Variants in NDUFB5 observed in about 807,000 individuals in gnomAD.
NDUFB5 encodes NADH dehydrogenase [ubiquinone] 1 beta subcomplex subunit 5, mitochondrial.
In NDUFB5, 19 loss-of-function variants were observed where a neutral mutation model predicts 19.4. That is an observed-to-expected ratio of 0.98 (90% CI 0.68 to 1.43). The LOEUF (loss-of-function observed/expected upper bound fraction) is 1.43. Among genes scored for constraint, NDUFB5 ranks in the 40% most tolerant of loss-of-function variants. The pLI is 0.00. For missense variants in NDUFB5, 233 were observed against 236.5 expected, an observed-to-expected ratio of 0.99 and a Z score of 0.10; for synonymous variants, 80 against 82.6, an observed-to-expected ratio of 0.97 and a Z score of 0.17.
chr3:179,607,988 T>TTTTG (rs546910455), intron 1 of NDUFB5, among the ~76,000 whole-genome samples: 26 of 152,098 alleles, frequency 1.7e-4, no homozygotes, highest in African/African-American at 5.3e-4. Flanking sequence ...TGCATCTAGG[T>TTTTG]TTTGTTTGTT....
In NDUFB5 at chr3:179,624,515, T is replaced by G; in HGVS notation, c.*475T>G. 1 of 132,276 alleles carries G rather than the reference T, an allele frequency of 7.6e-6. No homozygotes were observed. The highest frequency in any genetic ancestry group is 1.6e-5 in the Non-Finnish European group (1 of 60,760). The allele number at this position is 132,276 out of a possible 1,614,324, so 8.2% of individuals were successfully genotyped here. A position where few individuals can be genotyped will look rare whatever the true frequency, so the allele number is the denominator to read the frequency against. On this transcript the variant is annotated 3_prime_UTR_variant, in exon 6 of 6. Transcript: ENST00000259037. ...TTTAAAGTTTATAATGCTTTCATGG[T>G]TTTTTTTTTTGCCATGTATTGTTCT...
At chr3:179,623,845 C>T (rs1719596438) in intron 5 of NDUFB5, 75 bp from the exon 6 acceptor site, 2 of 1,561,634 alleles carry the variant, frequency 1.3e-6, no homozygotes, top group South Asian at 1.1e-5. Flanking sequence ...CAGTGATTGT[C>T]CTTTATGGAA....
In NDUFB5 at chr3:179,624,229, C is replaced by A; in HGVS notation, c.*189C>A. Reference sequence around the variant, plus strand: ...GTCCCCAAAGAAGGTTTAAAATGTACTAATAAAAACTGGAGAAATAGGAAT... The same window carrying A: ...GTCCCCAAAGAAGGTTTAAAATGTAATAATAAAAACTGGAGAAATAGGAAT... On this transcript the variant is annotated 3_prime_UTR_variant, in exon 6 of 6. Transcript: ENST00000259037. 2 of 414,890 alleles carry A rather than the reference C, an allele frequency of 4.8e-6. No homozygotes were observed. Among genetic ancestry groups the A allele is most frequent in the Non-Finnish European group, 4.1e-6 (1 of 241,164 alleles). 25.7% of individuals were successfully genotyped at this position (414,890 alleles called of 1,614,324 possible). A position where few individuals can be genotyped will look rare whatever the true frequency, so the allele number is the denominator to read the frequency against.
intron 1 of NDUFB5, 42 bp downstream of exon 1, chr3:179,604,981 G>T: frequency 6.6e-7 from 1 of 1,509,870 alleles, no homozygotes; most frequent in East Asian, 2.4e-5. Context: ...AGCGGGTGCG[G>T]GGCGAGAAAA....
At chr3:179,618,153 TTTGGAGTCAGACAGACCTGG>T (rs1406543879) in intron 4 of NDUFB5, 1 of 291,612 alleles carries the variant, frequency 3.4e-6, no homozygotes, top group Middle Eastern at 1.1e-3. Flanking sequence ...AGTACACAGC[TTTGGAGTCAGACAGACCTGG>T]TTTGAGTCCA....
intron 5 of NDUFB5, among the ~76,000 whole-genome samples, chr3:179,623,565 T>C (rs908867212): frequency 1.3e-5 from 2 of 152,076 alleles, no homozygotes; most frequent in African/African-American, 4.8e-5. Flanking sequence ...TCCCAGCTAC[T>C]TGGGAGGCTG....
At position 179,626,155 on chromosome 3, in the gene NDUFB5, A is replaced by G. The variant is rs891356514; in HGVS notation, c.*2115A>G. ...CTGGGGTGAGATATCTTAATGTGGT[A>G]TTGGTTTACATTTCCCTAATTATGG... On this transcript the variant is annotated 3_prime_UTR_variant, in exon 6 of 6. Coordinates refer to ENST00000259037, the MANE Select transcript of NDUFB5 (RefSeq NM_002492.4). 1 of 151,772 alleles carries G rather than the reference A, an allele frequency of 6.6e-6. No individual in the cohort carries two copies. Among genetic ancestry groups the G allele is most frequent in the Non-Finnish European group, 1.5e-5 (1 of 67,982 alleles). 9.4% of individuals were successfully genotyped at this position (151,772 alleles called of 1,614,324 possible). A position where few individuals can be genotyped will look rare whatever the true frequency, so the allele number is the denominator to read the frequency against.
chr3:179,605,356 G>C (rs914128312), intron 1 of NDUFB5, among the ~76,000 whole-genome samples: 9 of 152,206 alleles, frequency 5.9e-5, no homozygotes, highest in African/African-American at 2.2e-4. Context: ...TATGTAGACA[G>C]GTAAAGAGGC....
chr3:179,610,768 G>A (rs1719219073), intron 1 of NDUFB5, among the ~76,000 whole-genome samples: 1 of 152,160 alleles, frequency 6.6e-6, no homozygotes, highest in Non-Finnish European at 1.5e-5. Context: ...CAAAGATGGT[G>A]TAATTCCAGA....
rs1047020364 is a variant in NDUFB5 at position 179,618,399 on chromosome 3, G to A, written c.343-16G>A. 9.7e-6 allele frequency: 15 copies of A among 1,539,784 alleles called. No homozygotes were observed. Among genetic ancestry groups the A allele is most frequent in the East Asian group, 2.3e-5 (1 of 44,260 alleles). On this transcript the variant is annotated splice_polypyrimidine_tract_variant and intron_variant, in intron 4 of 5. Transcript: ENST00000259037. The stretch of plus-strand genomic sequence containing the variant: ...ATTCAGAAATGGACTAATATTAAAC[G>A]AATTTTCTCTTGTAGCATCCCATAT...
chr3:179,610,187 G>A (rs1719203528), intron 1 of NDUFB5, among the ~76,000 whole-genome samples: 1 of 152,130 alleles, frequency 6.6e-6, no homozygotes, highest in African/African-American at 2.4e-5. Flanking sequence ...CAACCTCCTA[G>A]ACTCAGGTGA....
chr3:179,609,170 A>G (rs1417680071), intron 1 of NDUFB5, among the ~76,000 whole-genome samples: 2 of 152,230 alleles, frequency 1.3e-5, no homozygotes, highest in African/African-American at 2.4e-5. Flanking sequence ...TTCTGTGAAC[A>G]TGGATATACA....
At chr3:179,611,293 A>C (rs1719234466) in intron 1 of NDUFB5, among the ~76,000 whole-genome samples, 1 of 152,244 alleles carries the variant, frequency 6.6e-6, no homozygotes, top group Non-Finnish European at 1.5e-5. Flanking sequence ...AGGCCTTGGC[A>C]AATGATGAAT....
chr3:179,605,789 C>T (rs1719076364), intron 1 of NDUFB5, among the ~76,000 whole-genome samples: 1 of 148,026 alleles, frequency 6.8e-6, no homozygotes. Context: ...AGTCATAATA[C>T]AGTCTTTTTT....
chr3:179,609,197 C>T (rs1719178193), intron 1 of NDUFB5, among the ~76,000 whole-genome samples: 1 of 152,170 alleles, frequency 6.6e-6, no homozygotes, highest in African/African-American at 2.4e-5. Context: ...TCTTCTGAGA[C>T]CCTGCTTTCA....
At chr3:179,611,759 T>C (rs1719247390) in intron 1 of NDUFB5, among the ~76,000 whole-genome samples, 1 of 152,172 alleles carries the variant, frequency 6.6e-6, no homozygotes, top group South Asian at 2.1e-4. Flanking sequence ...TATTCAATTC[T>C]TATAAAAATC....
chr3:179,616,962 A>G (rs780815185), intron 3 of NDUFB5, 21 bp from the exon 4 acceptor site: 3 of 1,592,760 alleles, frequency 1.9e-6, no homozygotes, highest in East Asian at 2.2e-5. Flanking sequence ...AAAGTTAAAC[A>G]TAACCATTTT....
chr3:179,611,845 A>G lies in NDUFB5; in HGVS notation c.125-3126A>G, dbSNP rs9878137. 9.0e-3 allele frequency among the ~76,000 whole-genome samples: 1,368 copies of G among 152,054 alleles called. 22 individuals carry two copies. Among genetic ancestry groups the G allele is most frequent in the African/African-American group, 0.03 (1,228 of 41,346 alleles). The stretch of plus-strand genomic sequence containing the variant: ...AATTAGTCATTGAAGCCTTGGGCCT[A>G]TGAAATTAATAAATACTTAATGGAG... On this transcript the variant is annotated intron_variant, in intron 1 of 5. Transcript: ENST00000259037.
chr3:179,615,892 A>G, intron 2 of NDUFB5, 91 bp from the exon 3 acceptor site: 1 of 1,025,752 alleles, frequency 9.7e-7, no homozygotes, highest in Non-Finnish European at 1.5e-6. Context: ...TTTATTTTAT[A>G]AGAAATATGA....
Sources: allele counts gnomAD v4.1 joint callset (sites outside exome capture counted in the v4.1 genomes callset), GRCh38; gene constraint gnomAD v4.1.1; transcripts MANE v1.5; gene names NCBI Gene and HGNC (gene_info 2026-07-23, HGNC 2026-07-21).